ITGA2: variants seen among roughly 807,000 people sequenced by gnomAD.
ITGA2 encodes the protein integrin subunit alpha 2, also known as integrin alpha-2.
A neutral mutation model predicts 146.3 loss-of-function variants in ITGA2; 101 were observed. The ratio of observed to expected loss-of-function variants is 0.69; its 90% CI spans 0.59 to 0.81. ITGA2 has a LOEUF of 0.81. Among genes scored for constraint, ITGA2 ranks in the 40% least tolerant of loss-of-function variants. The pLI, the probability that ITGA2 is intolerant of heterozygous loss-of-function variation, is 0.00. For missense variants in ITGA2, 1,281 were observed against 1,402.7 expected (o/e 0.91, Z 1.39); for synonymous variants, 477 against 487.1 (o/e 0.98, Z 0.27).
intron 9 of ITGA2, among the ~76,000 whole-genome samples, chr5:53,057,551 A>G (rs1368017103): frequency 6.6e-6 from 1 of 151,994 alleles, no homozygotes; most frequent in Non-Finnish European, 1.5e-5. Flanking sequence ...ATCTCCCAGC[A>G]GTCTTCACTA....
At position 53,090,458 on chromosome 5, in the gene ITGA2, T is replaced by G. The variant is rs1165329808; in HGVS notation, c.3466-61T>G. On this transcript the variant is annotated intron_variant, in intron 29 of 29. Coordinates refer to ENST00000296585, the MANE Select transcript of ITGA2 (RefSeq NM_002203.4). Reference sequence around the variant, plus strand: ...CAGAGGACGTGGGCAGCCAAGGGGGTCAGAGGCACCTTACAAAATAAGCCA... The same window carrying G: ...CAGAGGACGTGGGCAGCCAAGGGGGGCAGAGGCACCTTACAAAATAAGCCA... 9 of 1,451,800 alleles carry G rather than the reference T, an allele frequency of 6.2e-6. No homozygotes were observed. In the Admixed American group the frequency reaches 1.2e-4, roughly 19 times the overall value. 89.9% of individuals were successfully genotyped at this position (1,451,800 alleles called of 1,614,324 possible).
chr5:53,026,753 T>G lies in ITGA2; in HGVS notation c.70T>G (p.Leu24Val). 1.2e-6 allele frequency: 2 copies of G among 1,609,320 alleles called. No homozygotes were observed. The highest frequency in any genetic ancestry group is 1.7e-6 in the Non-Finnish European group (2 of 1,175,718). The change falls in exon 2 of 30, where the codon TTA (leucine) becomes GTA (valine). Residue 24 changes from leucine to valine, a missense_variant. By Grantham distance (32) the Leu-to-Val change is conservative. Coordinates refer to ENST00000296585, the MANE Select transcript of ITGA2 (RefSeq NM_002203.4). ...LLVLALSQGI[L>V]NCCLAYNVGL... ...TTTCATATTTTTCTTAATAGGCATT[T>G]TAAATTGTTGTTTGGCCTACAATGT... is the stretch of plus-strand genomic sequence containing the variant.
chr5:53,065,988 A>T lies in ITGA2; in HGVS notation c.1943+11A>T. On this transcript the variant is annotated intron_variant, in intron 15 of 29. Coordinates refer to ENST00000296585, the MANE Select transcript of ITGA2 (RefSeq NM_002203.4). Reference sequence around the variant, plus strand: ...AGTGGTTCAACTCTGGTGAGTCAGGAAGAGCCAGACACAAACTAACTAAAA... The same window carrying T: ...AGTGGTTCAACTCTGGTGAGTCAGGTAGAGCCAGACACAAACTAACTAAAA... 1 of 1,611,630 alleles carries T rather than the reference A, an allele frequency of 6.2e-7. No individual in the cohort carries two copies. The highest frequency in any genetic ancestry group is 8.5e-7 in the Non-Finnish European group (1 of 1,178,326).
chr5:53,044,868 T>C, intron 3 of ITGA2, 133 bp from the exon 4 acceptor site: 1 of 697,694 alleles, frequency 1.4e-6, no homozygotes, highest in Non-Finnish European at 2.6e-6. Flanking sequence ...CTTCATTATA[T>C]AACTCAAGTA....
intron 24 of ITGA2, among the ~76,000 whole-genome samples, chr5:53,079,706 G>C (rs3212608): frequency 0.033 from 5,021 of 152,160 alleles, 133 homozygotes; most frequent in East Asian, 0.074. Flanking sequence ...TATAAAATGT[G>C]GATGGTATTT....
chr5:53,017,969 G>C (rs1742477537), intron 1 of ITGA2, among the ~76,000 whole-genome samples: 1 of 152,060 alleles, frequency 6.6e-6, no homozygotes. Context: ...GGTAGGGGCT[G>C]TTCTGCTGGA....
At chr5:53,043,052 T>C (rs1416365866) in intron 3 of ITGA2, among the ~76,000 whole-genome samples, 1 of 152,158 alleles carries the variant, frequency 6.6e-6, no homozygotes, top group Non-Finnish European at 1.5e-5. Context: ...TCAATAAACA[T>C]ATTTTCAGTG....
At chr5:53,009,503 AG>A (rs1336165129) in intron 1 of ITGA2, among the ~76,000 whole-genome samples, 1 of 152,150 alleles carries the variant, frequency 6.6e-6, no homozygotes, top group Non-Finnish European at 1.5e-5. Context: ...CTTTTAAGTG[AG>A]GAACTTGGAT....
chr5:53,015,952 A>G (rs1410543486), intron 1 of ITGA2, among the ~76,000 whole-genome samples: 1 of 151,392 alleles, frequency 6.6e-6, no homozygotes, highest in Non-Finnish European at 1.5e-5. Context: ...TTTTTCTCCA[A>G]CTCTTTGCCT....
chr5:53,080,758 G>C, intron 25 of ITGA2, 137 bp downstream of exon 25: 2 of 696,406 alleles, frequency 2.9e-6, no homozygotes, highest in Admixed American at 2.2e-5. Context: ...CAACTGACTA[G>C]CAGTTAATTT....
intron 7 of ITGA2, among the ~76,000 whole-genome samples, chr5:53,053,343 T>C (rs916246604): frequency 6.6e-6 from 1 of 152,178 alleles, no homozygotes; most frequent in African/African-American, 2.4e-5. Context: ...TAAAGGTTTT[T>C]TGGGCCAGGC....
chr5:53,072,827 A>G, intron 19 of ITGA2, 132 bp downstream of exon 19: 1 of 800,722 alleles, frequency 1.2e-6, no homozygotes, highest in Non-Finnish European at 2.0e-6. Context: ...TTTAAAAACT[A>G]AATTTCAATG....
At position 53,069,916 on chromosome 5, in the gene ITGA2, C is replaced by T. The variant is rs141209318; in HGVS notation, c.2084-193C>T. On this transcript the variant is annotated intron_variant, in intron 16 of 29. Transcript: ENST00000296585. ...TCACATTTCTTTGTATGCACAGTCACCTACGTCACATCAGAGCTAGAATGA... is the reference window on the plus strand; with the variant it reads ...TCACATTTCTTTGTATGCACAGTCATCTACGTCACATCAGAGCTAGAATGA... Among the ~76,000 whole-genome samples the T allele has an allele frequency of 1.2e-3, 185 of 151,992 alleles. 1 individual carries two copies. Among genetic ancestry groups the T allele is most frequent in the African/African-American group, 4.2e-3 (174 of 41,526 alleles).
intron 1 of ITGA2, among the ~76,000 whole-genome samples, chr5:52,992,563 A>G (rs1741015479): frequency 6.6e-6 from 1 of 152,140 alleles, no homozygotes; most frequent in Non-Finnish European, 1.5e-5. Flanking sequence ...ATTTGTCCCC[A>G]TGTTTTCAAC....
intron 17 of ITGA2, among the ~76,000 whole-genome samples, chr5:53,071,090 C>T (rs888547824): frequency 6.6e-6 from 1 of 151,876 alleles, no homozygotes; most frequent in South Asian, 2.1e-4. Flanking sequence ...ACAGAGAGAT[C>T]TTACTTCAAG....
chr5:53,088,194 A>G (rs1740208301), intron 28 of ITGA2, among the ~76,000 whole-genome samples: 2 of 152,206 alleles, frequency 1.3e-5, no homozygotes, highest in South Asian at 4.1e-4. Context: ...TTTTAGAAAA[A>G]CATAGTGTTC....
intron 1 of ITGA2, among the ~76,000 whole-genome samples, chr5:53,024,616 G>C (rs975715463): frequency 5.3e-5 from 8 of 152,210 alleles, no homozygotes; most frequent in Non-Finnish European, 1.0e-4. Context: ...GGGTGCTGCT[G>C]CTACACAGAG....
chr5:53,057,238 A>G (rs890469081), intron 9 of ITGA2, among the ~76,000 whole-genome samples: 1 of 152,084 alleles, frequency 6.6e-6, no homozygotes, highest in African/African-American at 2.4e-5. Context: ...ACATTATTCT[A>G]TTTTATTAAA....
chr5:53,075,034 A>T (rs1428228160), intron 21 of ITGA2, 27 bp from the exon 22 acceptor site: 3 of 1,497,436 alleles, frequency 2.0e-6, no homozygotes, highest in Admixed American at 1.7e-5. Flanking sequence ...AGCATCATAG[A>T]CTGAGAAATT....
Sources: allele counts gnomAD v4.1 joint callset (sites outside exome capture counted in the v4.1 genomes callset), GRCh38; gene constraint gnomAD v4.1.1; transcripts MANE v1.5; gene names NCBI Gene and HGNC (gene_info 2026-07-23, HGNC 2026-07-21).